The following PRKCZ variants were observed in gnomAD, a reference collection of about 807,000 sequenced individuals.
The protein encoded by PRKCZ is protein kinase C zeta.
Under a neutral mutation model 79.5 loss-of-function variants are expected in PRKCZ, and 33 were observed. The ratio of observed to expected loss-of-function variants is 0.41; its 90% CI spans 0.31 to 0.55. The LOEUF is 0.55. PRKCZ is among the 20% of genes least tolerant of loss of function. The pLI is 0.19. For missense variants in PRKCZ, 578 were observed against 813.5 expected, an observed-to-expected ratio of 0.71 and a Z score of 3.52; for synonymous variants, 342 against 320.9, an observed-to-expected ratio of 1.07 and a Z score of -0.70.
chr1:2,116,076 A>C lies in PRKCZ; in HGVS notation c.335-19186A>C, dbSNP rs533391439. 266 of 152,332 alleles carry C rather than the reference A, an allele frequency of 1.7e-3. 2 individuals are homozygous for C. The highest frequency in any genetic ancestry group is 6.1e-3 in the African/African-American group (252 of 41,562). The allele number at this position is 152,332 out of a possible 1,614,324, so 9.4% of individuals were successfully genotyped here. On this transcript the variant is annotated intron_variant, in intron 4 of 17. Transcript: ENST00000378567. Reference sequence around the variant, plus strand: ...CTGTCCCGGCTCCCGGCTCCCCGTCATCTCATTAGCATGCAAAAAGACACT... The same window carrying C: ...CTGTCCCGGCTCCCGGCTCCCCGTCCTCTCATTAGCATGCAAAAAGACACT...
Position 2,178,442 on chromosome 1 carries a change from A to G in PRKCZ, c.1575+3129A>G, listed in dbSNP as rs1050840509. On this transcript the variant is annotated intron_variant, in intron 16 of 17. Coordinates refer to ENST00000378567, the MANE Select transcript of PRKCZ (RefSeq NM_002744.6). This position sits in a 1 kb window ranked among gnomAD's most constrained non-coding sequence, Gnocchi z 4.3. ...ACCTCTGCATCCGTCCTCAGTGGAC[A>G]TAGGGTGGCCTCCACTTTCTGGCCA... Among the ~76,000 whole-genome samples, 2 of 152,232 alleles carry G rather than the reference A, an allele frequency of 1.3e-5. No individual in the cohort carries two copies. The highest frequency in any genetic ancestry group is 1.3e-4 in the Admixed American group (2 of 15,292).
chr1:2,169,643 A>C, intron 11 of PRKCZ, 39 bp downstream of exon 11: 1 of 748,306 alleles, frequency 1.3e-6, no homozygotes, highest in Non-Finnish European at 1.8e-6. Flanking sequence ...GTGCGCCCGG[A>C]GTTGGGGATG....
chr1:2,176,565 C>T (rs570772566), intron 16 of PRKCZ, among the ~76,000 whole-genome samples: 3 of 152,336 alleles, frequency 2.0e-5, no homozygotes, highest in African/African-American at 4.8e-5. Context: ...AAAATACACT[C>T]TCAAGGAAAA....
At chr1:2,180,769 T>A (rs1320926955) in intron 16 of PRKCZ, among the ~76,000 whole-genome samples, 1 of 152,140 alleles carries the variant, frequency 6.6e-6, no homozygotes, top group Non-Finnish European at 1.5e-5. Flanking sequence ...TTCCTGTGGT[T>A]TGGGCACCAG....
Position 2,050,884 on chromosome 1 carries a change from A to T in PRKCZ, c.71+183A>T, listed in dbSNP as rs1266498380. 7.5e-6 allele frequency: 3 copies of T among 397,770 alleles called. No homozygotes were observed. The East Asian group carries it at 1.1e-4, about 15-fold the overall frequency. 24.6% of individuals were successfully genotyped at this position (397,770 alleles called of 1,614,324 possible). A position where few individuals can be genotyped will look rare whatever the true frequency, so the allele number is the denominator to read the frequency against. ...AGCGTCACCCGCGGACACGTCGTGG[A>T]CAGCGCGGGCTCCTTCCCCGGGACC... On this transcript the variant is annotated intron_variant, in intron 1 of 17. Coordinates refer to ENST00000378567, the MANE Select transcript of PRKCZ (RefSeq NM_002744.6).
chr1:2,074,382 A>T, intron 4 of PRKCZ: 3 of 1,460,362 alleles, frequency 2.1e-6, no homozygotes, highest in Non-Finnish European at 2.8e-6. Context: ...GGCCCCAGGG[A>T]GTTGCTGGCT....
At chr1:2,053,902 G>A (rs947617349) in intron 1 of PRKCZ, among the ~76,000 whole-genome samples, 2 of 152,192 alleles carry the variant, frequency 1.3e-5, no homozygotes, top group African/African-American at 4.8e-5. Context: ...AGCCAGGTTG[G>A]TTCCTGTGGG....
At chr1:2,148,652 G>A (rs1484719986) in intron 7 of PRKCZ, among the ~76,000 whole-genome samples, 3 of 152,350 alleles carry the variant, frequency 2.0e-5, no homozygotes, top group Non-Finnish European at 4.4e-5. Context: ...CGTATGTCAC[G>A]AATGTACATC....
At chr1:2,052,536 T>C (rs1659776414) in intron 1 of PRKCZ, among the ~76,000 whole-genome samples, 1 of 151,526 alleles carries the variant, frequency 6.6e-6, no homozygotes, top group African/African-American at 2.4e-5. Flanking sequence ...CTAGGGCACG[T>C]CTCCCCTCTG....
chr1:2,174,936 G>GT lies in PRKCZ; in HGVS notation c.1485+104dup. The stretch of plus-strand genomic sequence containing the variant: ...GCCATTTTTTCATGTCGGCTGCTGT[G>GT]TATCGGGTGTGTGGGTTGATTTTCC... On this transcript the variant is annotated intron_variant, in intron 15 of 17. Transcript: ENST00000378567. This position sits in a 1 kb window ranked among gnomAD's most constrained non-coding sequence, Gnocchi z 6.2. The GT allele has an allele frequency of 8.2e-7, 1 of 1,223,370 alleles. No individual in the cohort carries two copies. Among genetic ancestry groups the GT allele is most frequent in the Non-Finnish European group, 1.2e-6 (1 of 842,672 alleles). The allele number at this position is 1,223,370 out of a possible 1,614,324, so 75.8% of individuals were successfully genotyped here. A position where few individuals can be genotyped will look rare whatever the true frequency, so the allele number is the denominator to read the frequency against.
intron 2 of PRKCZ, chr1:2,055,764 G>A: frequency 1.4e-6 from 1 of 738,016 alleles, no homozygotes. Context: ...GGGCCCAGAT[G>A]CCCCTAGGAA....
intron 4 of PRKCZ, among the ~76,000 whole-genome samples, chr1:2,080,930 G>C (rs997555130): frequency 1.3e-5 from 2 of 152,146 alleles, no homozygotes; most frequent in Non-Finnish European, 2.9e-5. Flanking sequence ...ATAAGGACTG[G>C]GGCCTTGTGT....
chr1:2,051,974 G>T (rs553051311), intron 1 of PRKCZ, among the ~76,000 whole-genome samples: 2 of 152,270 alleles, frequency 1.3e-5, no homozygotes, highest in East Asian at 3.9e-4. Context: ...TGACCGTCCA[G>T]CCCTACCTGA....
intron 4 of PRKCZ, among the ~76,000 whole-genome samples, chr1:2,103,250 G>C (rs779389321): frequency 4.6e-5 from 7 of 152,260 alleles, no homozygotes; most frequent in African/African-American, 1.7e-4. Flanking sequence ...GTTCTCACCC[G>C]GCCTTGTTCT....
At chr1:2,130,245 G>A (rs149938971) in intron 4 of PRKCZ, among the ~76,000 whole-genome samples, 6 of 152,192 alleles carry the variant, frequency 3.9e-5, no homozygotes, top group Non-Finnish European at 5.9e-5. Context: ...CCTGCTGTCC[G>A]TTATCCCTTA....
rs902103257 is a variant in PRKCZ, at chr1:2,055,381, T to G, written c.72-60T>G. 4.9e-5 allele frequency: 75 copies of G among 1,530,170 alleles called. No homozygotes were observed. In the African/African-American group the frequency reaches 1.0e-3, roughly 20 times the overall value. 94.8% of individuals were successfully genotyped at this position (1,530,170 alleles called of 1,614,324 possible). On this transcript the variant is annotated intron_variant, in intron 1 of 17. Coordinates refer to ENST00000378567, the MANE Select transcript of PRKCZ (RefSeq NM_002744.6). ...AATGATTTGGTTAGTTGGTAATCAT[T>G]TTTTAATTTGATTCAAATATGCCCC...
In PRKCZ at chr1:2,173,992, A is replaced by G; in HGVS notation, c.1381A>G (p.Asn461Asp). The change falls in exon 14 of 18, where the codon AAC becomes GAC. Residue 461 changes from asparagine to aspartate, a missense_variant. This residue lies in a region of PRKCZ where 243 missense variants were observed against 467.0 expected (regional missense o/e 0.52). Transcript: ENST00000378567. The surrounding 1 kb of genome is among the most constrained non-coding windows in gnomAD (Gnocchi z 5.7). ...CATCATCACCGACAACCCGGACATG[A>G]ACACAGAGGACTACCTTTTCCAAGG... Reference protein sequence around the residue: ...FDIITDNPDMNTEDYLFQVIL... With the variant: ...FDIITDNPDMDTEDYLFQVIL... 1 of 1,611,654 alleles carries G rather than the reference A, an allele frequency of 6.2e-7. No homozygotes were observed. The highest frequency in any genetic ancestry group is 8.5e-7 in the Non-Finnish European group (1 of 1,178,772).
intron 4 of PRKCZ, among the ~76,000 whole-genome samples, chr1:2,129,776 C>T (rs941770529): frequency 6.6e-6 from 1 of 152,150 alleles, no homozygotes; most frequent in Non-Finnish European, 1.5e-5. Context: ...CCTCCATAGG[C>T]GAGTAGGGAC....
chr1:2,071,723 C>T (rs904841914), intron 4 of PRKCZ, among the ~76,000 whole-genome samples: 4 of 152,104 alleles, frequency 2.6e-5, no homozygotes, highest in Non-Finnish European at 5.9e-5. Context: ...CTGAGCCGGC[C>T]GTCTGTGTGA....
Sources: allele counts gnomAD v4.1 joint callset (sites outside exome capture counted in the v4.1 genomes callset), GRCh38; gene constraint gnomAD v4.1.1; regional missense constraint gnomAD v4.1.1; non-coding constraint Gnocchi (gnomAD v3.1); transcripts MANE v1.5; gene names NCBI Gene and HGNC (gene_info 2026-07-23, HGNC 2026-07-21).